KIRREL3: variants seen among roughly 807,000 people sequenced by gnomAD.
KIRREL3 encodes the protein kirre like nephrin family adhesion molecule 3.
Under a neutral mutation model 89.7 loss-of-function variants are expected in KIRREL3, and 36 were observed. The ratio of observed to expected loss-of-function variants is 0.40; its 90% CI spans 0.31 to 0.53. The LOEUF is 0.53. KIRREL3 is among the 20% of genes least tolerant of loss of function. The probability of loss-of-function intolerance (pLI) is 0.49; values close to 1 mark genes in which losing one functional copy is unlikely to be tolerated. For missense variants in KIRREL3, 864 were observed against 1,056.6 expected (o/e 0.82, Z 2.53); for synonymous variants, 445 against 441.4 (o/e 1.01, Z -0.10).
intron 1 of KIRREL3, among the ~76,000 whole-genome samples, chr11:126,881,927 A>C (rs1945517513): frequency 6.6e-6 from 1 of 152,178 alleles, no homozygotes. Flanking sequence ...ATCAGAATGA[A>C]CTAATTAGTG....
intron 7 of KIRREL3, among the ~76,000 whole-genome samples, chr11:126,452,763 C>T (rs1260887974): frequency 1.3e-5 from 2 of 152,250 alleles, no homozygotes; most frequent in Non-Finnish European, 2.9e-5. Flanking sequence ...GAGCCGCTGT[C>T]GGGGCTGGGT....
intron 1 of KIRREL3, among the ~76,000 whole-genome samples, chr11:126,818,889 T>C (rs1281914536): frequency 6.6e-6 from 1 of 152,080 alleles, no homozygotes; most frequent in Non-Finnish European, 1.5e-5. Context: ...TCCTTAGACA[T>C]GAGACATGTA....
rs543795449 is a variant in KIRREL3 at position 126,851,769 on chromosome 11, T to G, written c.55+148686A>C. On this transcript the variant is annotated intron_variant, in intron 1 of 16. Transcript: ENST00000525144. ...ACATCCTGGCAGGGAGGCAAGCTCT[T>G]TATTTGCCCTTTTTTGATGGGACAG... Among the ~76,000 whole-genome samples, 11 of 152,358 alleles carry G rather than the reference T, an allele frequency of 7.2e-5. No homozygotes were observed. In the South Asian group the frequency reaches 2.1e-3, roughly 29 times the overall value.
In KIRREL3 at chr11:126,561,072, C is replaced by A. The variant is rs924922548; in HGVS notation, c.133+1763G>T. Among the ~76,000 whole-genome samples the A allele has an allele frequency of 2.0e-5, 3 of 152,148 alleles. No individual in the cohort carries two copies. The highest frequency in any genetic ancestry group is 2.0e-4 in the Admixed American group (3 of 15,286). On this transcript the variant is annotated intron_variant, in intron 2 of 16. Transcript: ENST00000525144. This position sits in a 1 kb window ranked among gnomAD's most constrained non-coding sequence, Gnocchi z 4.5. ...ACATGTTGGAGTTTGGGCGTATGAG[C>A]TTTAGAGAGAGAGAAATGTATAATG... is the stretch of plus-strand genomic sequence containing the variant.
Position 126,989,663 on chromosome 11 carries a change from G to T in KIRREL3, c.55+10792C>A, listed in dbSNP as rs148934970. 6.6e-6 allele frequency among the ~76,000 whole-genome samples: 1 copy of T among 152,262 alleles called. No individual in the cohort carries two copies. Among genetic ancestry groups the T allele is most frequent in the East Asian group, 1.9e-4 (1 of 5,158 alleles). On this transcript the variant is annotated intron_variant, in intron 1 of 16. Coordinates refer to ENST00000525144, the MANE Select transcript of KIRREL3 (RefSeq NM_032531.4). This position sits in a 1 kb window ranked among gnomAD's most constrained non-coding sequence, Gnocchi z 6.2. ...TCACAATTATCAAGTGGCAAAAAAG[G>T]TGAGCCGCCATCCCCTTGGAGGTAA...
intron 1 of KIRREL3, among the ~76,000 whole-genome samples, chr11:126,582,307 A>G (rs1941592836): frequency 6.6e-6 from 1 of 152,142 alleles, no homozygotes; most frequent in Admixed American, 6.5e-5. Context: ...ACTGCTTGCT[A>G]GTGGGCCTGA....
rs1955666610 is a variant in KIRREL3, at chr11:126,443,481, C to T, written c.1252+1498G>A. Among the ~76,000 whole-genome samples the T allele has an allele frequency of 6.6e-6, 1 of 152,122 alleles. No homozygotes were observed. The highest frequency in any genetic ancestry group is 2.4e-5 in the African/African-American group (1 of 41,400). ...GCATCCTGGGGACACTCAGGAAAGG[C>T]AGGAGGGCTCCGACTCAGGGCTCTG... is the stretch of plus-strand genomic sequence containing the variant. On this transcript the variant is annotated intron_variant, in intron 10 of 16. Transcript: ENST00000525144. This position sits in a 1 kb window ranked among gnomAD's most constrained non-coding sequence, Gnocchi z 7.3.
chr11:126,986,282 A>G (rs1236240594), intron 1 of KIRREL3, among the ~76,000 whole-genome samples: 2 of 152,206 alleles, frequency 1.3e-5, no homozygotes, highest in Admixed American at 1.3e-4. Context: ...GAAAAATAAA[A>G]TGACAATAAG....
At chr11:126,591,020 G>A (rs558309228) in intron 1 of KIRREL3, among the ~76,000 whole-genome samples, 1 of 152,368 alleles carries the variant, frequency 6.6e-6, no homozygotes, top group Non-Finnish European at 1.5e-5. Context: ...GAGCCCAGGA[G>A]TTTGAGACCA....
chr11:126,673,532 A>C (rs1946052043), intron 1 of KIRREL3, among the ~76,000 whole-genome samples: 1 of 152,192 alleles, frequency 6.6e-6, no homozygotes, highest in Non-Finnish European at 1.5e-5. Flanking sequence ...AAGGCAAGGA[A>C]TTCATAATTG....
At position 126,586,882 on chromosome 11, in the gene KIRREL3, T is replaced by G. The variant is rs1941888058; in HGVS notation, c.56-23970A>C. ...ACTGACCCAGCTTGTAGAGAGATCT[T>G]GAGGCAGGCATGCAGCAAGGGCCCT... On this transcript the variant is annotated intron_variant, in intron 1 of 16. Transcript: ENST00000525144. Among the ~76,000 whole-genome samples the G allele has an allele frequency of 4.6e-5, 7 of 152,224 alleles. No homozygotes were observed. In the South Asian group the frequency reaches 1.5e-3, roughly 32 times the overall value.
Position 126,724,906 on chromosome 11 carries a change from T to C in KIRREL3, c.56-161994A>G, listed in dbSNP as rs2134178605. Among the ~76,000 whole-genome samples the C allele has an allele frequency of 6.6e-6, 1 of 152,342 alleles. No homozygotes were observed. On this transcript the variant is annotated intron_variant, in intron 1 of 16. Transcript: ENST00000525144. The surrounding 1 kb of genome is among the most constrained non-coding windows in gnomAD (Gnocchi z 4.3). ...CAGTTAGTCATTCACTTAATGAGTA[T>C]TTATTGTACCTTGACTTTGTGTCAG... is the stretch of plus-strand genomic sequence containing the variant.
At position 126,715,816 on chromosome 11, in the gene KIRREL3, A is replaced by G. The variant is rs1173823107; in HGVS notation, c.56-152904T>C. ...ATCCACGATGAACACGGTTGCAGAG[A>G]GGCCAGTGTTCCACCGTCAAGAGCG... On this transcript the variant is annotated intron_variant, in intron 1 of 16. Transcript: ENST00000525144. The surrounding 1 kb of genome is among the most constrained non-coding windows in gnomAD (Gnocchi z 4.4). Among the ~76,000 whole-genome samples, 2 of 152,206 alleles carry G rather than the reference A, an allele frequency of 1.3e-5. No homozygotes were observed. The highest frequency in any genetic ancestry group is 1.3e-4 in the Admixed American group (2 of 15,282).
In KIRREL3 at chr11:126,623,624, A is replaced by T. The variant is rs1401585381; in HGVS notation, c.56-60712T>A. On this transcript the variant is annotated intron_variant, in intron 1 of 16. Coordinates refer to ENST00000525144, the MANE Select transcript of KIRREL3 (RefSeq NM_032531.4). The surrounding 1 kb of genome is among the most constrained non-coding windows in gnomAD (Gnocchi z 4.1). ...GATAACAGCTGATGGGCCAGCAAGG[A>T]TGCGGGGAGGATACCTGTGGTCAGG... 1.3e-5 allele frequency among the ~76,000 whole-genome samples: 2 copies of T among 152,098 alleles called. No homozygotes were observed. Among genetic ancestry groups the T allele is most frequent in the Non-Finnish European group, 2.9e-5 (2 of 68,012 alleles).
At chr11:126,823,536 C>A (rs1237690157) in intron 1 of KIRREL3, among the ~76,000 whole-genome samples, 1 of 152,108 alleles carries the variant, frequency 6.6e-6, no homozygotes, top group Non-Finnish European at 1.5e-5. Flanking sequence ...GTGCTCTGAG[C>A]TCCTCAGAGA....
Position 126,623,504 on chromosome 11 carries a change from T to C in KIRREL3, c.56-60592A>G, listed in dbSNP as rs1044733788. ...CGCGGCTCTGTGTGCTGGTGAGATT[T>C]TGTAGCCACTGGAATGATCAGAAAA... On this transcript the variant is annotated intron_variant, in intron 1 of 16. Coordinates refer to ENST00000525144, the MANE Select transcript of KIRREL3 (RefSeq NM_032531.4). This position sits in a 1 kb window ranked among gnomAD's most constrained non-coding sequence, Gnocchi z 4.1. 1.1e-4 allele frequency among the ~76,000 whole-genome samples: 17 copies of C among 152,154 alleles called. No homozygotes were observed. The highest frequency in any genetic ancestry group is 3.9e-4 in the African/African-American group (16 of 41,440).
intron 4 of KIRREL3, among the ~76,000 whole-genome samples, chr11:126,499,756 A>AGTTACTGAAGTCTT (rs1239722491): frequency 2.6e-5 from 4 of 152,352 alleles, no homozygotes; most frequent in South Asian, 2.1e-4. Flanking sequence ...AGAGTTCGGT[A>AGTTACTGAAGTCTT]GTTACTGAAG....
intron 1 of KIRREL3, among the ~76,000 whole-genome samples, chr11:126,836,101 T>C (rs1288194291): frequency 6.6e-6 from 1 of 152,254 alleles, no homozygotes; most frequent in Non-Finnish European, 1.5e-5. Flanking sequence ...TGTGTTCTTC[T>C]TCCTGTAGCT....
intron 1 of KIRREL3, among the ~76,000 whole-genome samples, chr11:126,794,667 G>A (rs776010036): frequency 1.3e-5 from 2 of 152,192 alleles, no homozygotes; most frequent in Non-Finnish European, 2.9e-5. Context: ...AAGTGGTACG[G>A]CCACGTGGAA....
Sources: allele counts gnomAD v4.1 joint callset (sites outside exome capture counted in the v4.1 genomes callset), GRCh38; gene constraint gnomAD v4.1.1; non-coding constraint Gnocchi (gnomAD v3.1); transcripts MANE v1.5; gene names NCBI Gene and HGNC (gene_info 2026-07-23, HGNC 2026-07-21).